PCDHGB3: variants seen among roughly 807,000 people sequenced by gnomAD.
The protein encoded by PCDHGB3 is protocadherin gamma subfamily B, 3, also known as protocadherin gamma-B3.
PCDHGB3 carries 40 observed loss-of-function variants against 59.2 expected under a neutral mutation model. The ratio of observed to expected loss-of-function variants is 0.68; its 90% confidence interval spans 0.52 to 0.88. The LOEUF (loss-of-function observed/expected upper bound fraction) is 0.88. PCDHGB3 is among the 40% of genes least tolerant of loss of function. PCDHGB3 has a pLI of 0.00. For missense variants in PCDHGB3, 1,309 were observed against 1,187.9 expected (o/e 1.10, Z -1.50); for synonymous variants, 581 against 503.6 (o/e 1.15, Z -2.06).
intron 2 of PCDHGB3, among the ~76,000 whole-genome samples, chr5:141,496,769 C>T (rs1434587849): frequency 2.0e-5 from 3 of 152,064 alleles, no homozygotes; most frequent in African/African-American, 7.3e-5. Flanking sequence ...CGAGCATCTA[C>T]TATGAGCAGG....
At chr5:141,400,511 C>T (rs1456963604) in intron 1 of PCDHGB3, 2 of 1,613,824 alleles carry the variant, frequency 1.2e-6, no homozygotes, top group Admixed American at 3.3e-5. Flanking sequence ...GAGTCGACTT[C>T]CCATCCTGAG....
chr5:141,453,669 G>T (rs1390396079), intron 1 of PCDHGB3, among the ~76,000 whole-genome samples: 1 of 152,034 alleles, frequency 6.6e-6, no homozygotes, highest in Non-Finnish European at 1.5e-5. Context: ...TTACACAAAA[G>T]GTAACACACT....
intron 1 of PCDHGB3, chr5:141,417,831 C>T: frequency 5.2e-6 from 8 of 1,526,966 alleles, no homozygotes; most frequent in Non-Finnish European, 7.1e-6. Flanking sequence ...ACTGGAAAAG[C>T]GGGGACCCAG....
intron 1 of PCDHGB3, among the ~76,000 whole-genome samples, chr5:141,425,812 G>A (rs1472168775): frequency 6.6e-6 from 1 of 152,054 alleles, no homozygotes; most frequent in African/African-American, 2.4e-5. Context: ...CTTCTGCTTA[G>A]AAAAAAACAA....
Position 141,489,384 on chromosome 5 carries a change from T to C in PCDHGB3, c.2416-5423T>C, listed in dbSNP as rs2099686499. The stretch of plus-strand genomic sequence containing the variant: ...AGCCGGGGACGCTGGTGGGGAATGT[T>C]GCTCAGGATCTGGGCTTAAAGATGA... On this transcript the variant is annotated intron_variant, in intron 1 of 3. Transcript: ENST00000576222. The surrounding 1 kb of genome is among the most constrained non-coding windows in gnomAD (Gnocchi z 4.5). 1 of 1,613,986 alleles carries C rather than the reference T, an allele frequency of 6.2e-7. No individual in the cohort carries two copies. The highest frequency in any genetic ancestry group is 8.5e-7 in the Non-Finnish European group (1 of 1,179,842).
chr5:141,384,812 T>C, intron 1 of PCDHGB3: 1 of 1,613,428 alleles, frequency 6.2e-7, no homozygotes, highest in African/African-American at 1.3e-5. Context: ...AGAGATGCCC[T>C]CAAGCAGAGC....
chr5:141,376,250 C>A, intron 1 of PCDHGB3: 1 of 1,614,246 alleles, frequency 6.2e-7, no homozygotes, highest in Non-Finnish European at 8.5e-7. Flanking sequence ...GCACAAGTCA[C>A]GCCTGCTGCA....
At chr5:141,386,956 G>A (rs1561613070) in intron 1 of PCDHGB3, among the ~76,000 whole-genome samples, 1 of 152,208 alleles carries the variant, frequency 6.6e-6, no homozygotes, top group Non-Finnish European at 1.5e-5. Context: ...CTTCAGTGCA[G>A]CAGATCTCAG....
intron 1 of PCDHGB3, among the ~76,000 whole-genome samples, chr5:141,401,128 G>C (rs1271194736): frequency 6.6e-6 from 1 of 152,166 alleles, no homozygotes; most frequent in African/African-American, 2.4e-5. Context: ...TGGATCACAT[G>C]GTCAGGAGTT....
At position 141,476,002 on chromosome 5, in the gene PCDHGB3, C is replaced by A; in HGVS notation, c.2416-18805C>A. 1 of 1,247,396 alleles carries A rather than the reference C, an allele frequency of 8.0e-7. No individual in the cohort carries two copies. Among genetic ancestry groups the A allele is most frequent in the Non-Finnish European group, 1.1e-6 (1 of 904,880 alleles). 77.3% of individuals were successfully genotyped at this position (1,247,396 alleles called of 1,614,324 possible). ...AGCCGGCGAGCAAATCAACGGCATC[C>A]AGAAAGCCATGTCGGACTCGGCGCC... On this transcript the variant is annotated intron_variant, in intron 1 of 3. Transcript: ENST00000576222. This position sits in a 1 kb window ranked among gnomAD's most constrained non-coding sequence, Gnocchi z 7.6.
chr5:141,491,441 A>G lies in PCDHGB3; in HGVS notation c.2416-3366A>G, dbSNP rs776616506. 1.2e-6 allele frequency: 2 copies of G among 1,614,146 alleles called. No homozygotes were observed. The highest frequency in any genetic ancestry group is 1.7e-6 in the Non-Finnish European group (2 of 1,180,032). ...GGTGGAGGGCAGTGCTGCAGGCGCCAGGACTCACCCTCCCCGGACTTCTAT... is the reference window on the plus strand; with the variant it reads ...GGTGGAGGGCAGTGCTGCAGGCGCCGGGACTCACCCTCCCCGGACTTCTAT... On this transcript the variant is annotated intron_variant, in intron 1 of 3. Coordinates refer to ENST00000576222, the MANE Select transcript of PCDHGB3 (RefSeq NM_018924.5). The surrounding 1 kb of genome is among the most constrained non-coding windows in gnomAD (Gnocchi z 6.9).
chr5:141,482,546 A>C (rs1489817593), intron 1 of PCDHGB3, among the ~76,000 whole-genome samples: 1 of 151,868 alleles, frequency 6.6e-6, no homozygotes, highest in African/African-American at 2.4e-5. Context: ...AAAAAAAAAA[A>C]AAAGATAATG....
chr5:141,398,051 C>G, intron 1 of PCDHGB3: 3 of 1,512,220 alleles, frequency 2.0e-6, no homozygotes, highest in Non-Finnish European at 2.7e-6. Context: ...GTTCGGAGAT[C>G]CAAAAATCTA....
At chr5:141,379,459 C>G (rs1775609883) in intron 1 of PCDHGB3, 1 of 152,182 alleles carries the variant, frequency 6.6e-6, no homozygotes, top group East Asian at 1.9e-4. Flanking sequence ...TTCATAAACT[C>G]TGAAAGTGTG....
At chr5:141,478,478 A>T (rs764926007) in intron 1 of PCDHGB3, 2 of 1,613,740 alleles carry the variant, frequency 1.2e-6, no homozygotes, top group East Asian at 4.5e-5. Flanking sequence ...CCGCCAGAAC[A>T]CGCTGCGGAG....
intron 1 of PCDHGB3, chr5:141,399,615 A>G (rs756068630): frequency 1.2e-6 from 2 of 1,613,942 alleles, no homozygotes; most frequent in South Asian, 1.1e-5. Context: ...AGCCTCTGGC[A>G]CTGGCCTCTT....
At chr5:141,419,204 GC>G (rs2096344015) in intron 1 of PCDHGB3, 9 of 1,613,916 alleles carry the variant, frequency 5.6e-6, no homozygotes, top group Non-Finnish European at 7.6e-6. Context: ...CAATGACAAC[GC>G]GCCGGTTTTC....
At chr5:141,413,034 G>C in intron 1 of PCDHGB3, 1 of 783,270 alleles carries the variant, frequency 1.3e-6, no homozygotes, top group East Asian at 2.8e-5. Context: ...CAAACCGGCT[G>C]CTGGGCTGCA....
intron 1 of PCDHGB3, chr5:141,388,909 C>A: frequency 1.2e-6 from 2 of 1,613,902 alleles, no homozygotes; most frequent in South Asian, 1.1e-5. Context: ...AATGACAACG[C>A]CCCAGAAGTG....
Sources: gnomAD v4.1 joint callset for allele counts (sites outside exome capture counted in the v4.1 genomes callset) on GRCh38, gnomAD v4.1.1 for gene constraint, Gnocchi (gnomAD v3.1) non-coding constraint, MANE v1.5 for transcripts, NCBI Gene and HGNC (gene_info 2026-07-23, HGNC 2026-07-21) for gene names.